PDXK: variants seen among roughly 807,000 people sequenced by gnomAD.
PDXK encodes the protein pyridoxal kinase, also known as epididymis secretory sperm binding protein Li 1a.
Under a neutral mutation model 43.2 loss-of-function variants are expected in PDXK, and 15 were observed. The observed-to-expected ratio is 0.35, with a 90% CI of 0.23 to 0.53. The LOEUF is 0.53. Ranked by LOEUF, PDXK falls within the 20% of genes least tolerant of loss-of-function variation. The probability of loss-of-function intolerance (pLI) is 0.92; values close to 1 mark genes in which losing one functional copy is unlikely to be tolerated. For missense variants in PDXK, 343 were observed against 417.0 expected, an observed-to-expected ratio of 0.82 and a Z score of 1.54; for synonymous variants, 172 against 165.4, an observed-to-expected ratio of 1.04 and a Z score of -0.31.
chr21:43,737,006 C>A lies in PDXK; in HGVS notation c.142+2883C>A. On this transcript the variant is annotated intron_variant, in intron 2 of 10. Coordinates refer to ENST00000291565, the MANE Select transcript of PDXK (RefSeq NM_003681.5). This position sits in a 1 kb window ranked among gnomAD's most constrained non-coding sequence, Gnocchi z 4.8. ...CTGGCGTGAAGTGGCGCAACCAGCTCACTGCAGCCTTGACCTCCTGGGCTG... is the reference window on the plus strand; with the variant it reads ...CTGGCGTGAAGTGGCGCAACCAGCTAACTGCAGCCTTGACCTCCTGGGCTG... 1 of 705,182 alleles carries A rather than the reference C, an allele frequency of 1.4e-6. No homozygotes were observed. The highest frequency in any genetic ancestry group is 1.5e-5 in the South Asian group (1 of 67,640). 43.7% of individuals were successfully genotyped at this position (705,182 alleles called of 1,614,324 possible). A position where few individuals can be genotyped will look rare whatever the true frequency, so the allele number is the denominator to read the frequency against.
rs2083430086 is a variant in PDXK at position 43,737,793 on chromosome 21, A to G, written c.142+3670A>G. The G allele has an allele frequency of 6.1e-6, 6 of 985,290 alleles. No individual in the cohort carries two copies. Among genetic ancestry groups the G allele is most frequent in the Non-Finnish European group, 6.0e-6 (5 of 829,928 alleles). 61.0% of individuals were successfully genotyped at this position (985,290 alleles called of 1,614,324 possible). A position where few individuals can be genotyped will look rare whatever the true frequency, so the allele number is the denominator to read the frequency against. ...CCGGCTGGGATCTGACAGGAGTGCC[A>G]GGCTCCTTGGGCCGCCCGAGGAACC... On this transcript the variant is annotated intron_variant, in intron 2 of 10. Transcript: ENST00000291565. This position sits in a 1 kb window ranked among gnomAD's most constrained non-coding sequence, Gnocchi z 4.8.
chr21:43,741,061 C>A (rs917669236), intron 2 of PDXK: 6 of 143,688 alleles, frequency 4.2e-5, no homozygotes, highest in African/African-American at 1.6e-4. Flanking sequence ...CCCCACGCTC[C>A]TCCTGTACCT....
At chr21:43,752,907 G>A (rs776000085) in intron 8 of PDXK, among the ~76,000 whole-genome samples, 3 of 152,094 alleles carry the variant, frequency 2.0e-5, no homozygotes, top group African/African-American at 4.8e-5. Flanking sequence ...GGGAGGACGC[G>A]TCCACCCGGC....
intron 1 of PDXK, among the ~76,000 whole-genome samples, chr21:43,733,866 A>G (rs1222243891): frequency 6.6e-6 from 1 of 152,256 alleles, no homozygotes; most frequent in Non-Finnish European, 1.5e-5. Context: ...AGCTCCAGAC[A>G]CACAAGGCCC....
At position 43,749,081 on chromosome 21, in the gene PDXK, G is replaced by A; in HGVS notation, c.464+1G>A. On this transcript the variant is annotated splice_donor_variant, in intron 6 of 10. Coordinates refer to ENST00000291565, the MANE Select transcript of PDXK (RefSeq NM_003681.5). LOFTEE classifies it high-confidence loss of function. ...TCACGCCCAACCAGTTTGAGGCCGA[G>A]TAAGTCATTTTATTTTATTTTACTT... 1 of 1,578,734 alleles carries A rather than the reference G, an allele frequency of 6.3e-7. No individual in the cohort carries two copies. The highest frequency in any genetic ancestry group is 8.7e-7 in the Non-Finnish European group (1 of 1,150,952).
intron 2 of PDXK, among the ~76,000 whole-genome samples, chr21:43,740,086 C>G (rs1181003300): frequency 6.6e-6 from 1 of 152,058 alleles, no homozygotes; most frequent in Admixed American, 6.6e-5. Flanking sequence ...AGTGCGTACA[C>G]TCTGGTGTCC....
In PDXK at chr21:43,739,428, CA is replaced by C. The variant is rs1351478648; in HGVS notation, c.143-2238del. Among the ~76,000 whole-genome samples, 3 of 152,184 alleles carry C rather than the reference CA, an allele frequency of 2.0e-5. No homozygotes were observed. In the East Asian group the frequency reaches 5.8e-4, roughly 29 times the overall value. On this transcript the variant is annotated intron_variant, in intron 2 of 10. Transcript: ENST00000291565. ...GGCTGGTCCCCAACACTAATAAAGACATACCTGAGACTGGGTCATTTGTAAA... is the reference window on the plus strand; with the variant it reads ...GGCTGGTCCCCAACACTAATAAAGACTACCTGAGACTGGGTCATTTGTAAA...
chr21:43,726,618 GGC>G (rs1295458004), intron 1 of PDXK, among the ~76,000 whole-genome samples: 1 of 152,112 alleles, frequency 6.6e-6, no homozygotes, highest in Non-Finnish European at 1.5e-5. Context: ...ATGTTGGCCA[GGC>G]TGGTCTTGAA....
chr21:43,750,447 C>G (rs369906922), intron 6 of PDXK, 53 bp from the exon 7 acceptor site: 1 of 1,505,292 alleles, frequency 6.6e-7, no homozygotes, highest in African/African-American at 1.4e-5. Context: ...ACACACAACC[C>G]GGAGAGGAGA....
In PDXK at chr21:43,752,031, G is replaced by A. The variant is rs776023578; in HGVS notation, c.511-487G>A. Among the ~76,000 whole-genome samples, 73 of 152,238 alleles carry A rather than the reference G, an allele frequency of 4.8e-4. 1 individual carries two copies. Among genetic ancestry groups the A allele is most frequent in the Non-Finnish European group, 1.5e-4 (10 of 68,042 alleles). On this transcript the variant is annotated intron_variant, in intron 7 of 10. Coordinates refer to ENST00000291565, the MANE Select transcript of PDXK (RefSeq NM_003681.5). The stretch of plus-strand genomic sequence containing the variant: ...TGACCTGGTATTGGGTCCTGGGACT[G>A]CAGAGTCAGCTGACCCTGGAGCAGG...
intron 5 of PDXK, chr21:43,746,974 C>T (rs958762526): frequency 1.3e-5 from 2 of 152,104 alleles, no homozygotes; most frequent in African/African-American, 4.8e-5. Flanking sequence ...CATCTCTAAT[C>T]AAAATACAAG....
chr21:43,737,869 G>A lies in PDXK; in HGVS notation c.142+3746G>A, dbSNP rs952631608. The A allele has an allele frequency of 3.0e-6, 3 of 985,518 alleles. No homozygotes were observed. The highest frequency in any genetic ancestry group is 3.6e-6 in the Non-Finnish European group (3 of 829,962). 61.0% of individuals were successfully genotyped at this position (985,518 alleles called of 1,614,324 possible). A position where few individuals can be genotyped will look rare whatever the true frequency, so the allele number is the denominator to read the frequency against. On this transcript the variant is annotated intron_variant, in intron 2 of 10. Transcript: ENST00000291565. The surrounding 1 kb of genome is among the most constrained non-coding windows in gnomAD (Gnocchi z 4.8). ...TGTAAATGGAATGAGTTGGACACAA[G>A]ATCCAAGCGCCCTCCCCTGTTGGAG...
At position 43,757,624 on chromosome 21, in the gene PDXK, A is replaced by G. The variant is rs879664070; in HGVS notation, c.*1561A>G. The G allele has an allele frequency of 1.2e-5, 1 of 82,274 alleles. No individual in the cohort carries two copies. The highest frequency in any genetic ancestry group is 1.5e-4 in the Admixed American group (1 of 6,818). 5.1% of individuals were successfully genotyped at this position (82,274 alleles called of 1,614,324 possible). On this transcript the variant is annotated 3_prime_UTR_variant, in exon 11 of 11. Coordinates refer to ENST00000291565, the MANE Select transcript of PDXK (RefSeq NM_003681.5). ...ATATGGAACCCCCACCCCCTCCCCC[A>G]CTCTCCCACTCTGTTCGTTCTGAAT...
intron 1 of PDXK, among the ~76,000 whole-genome samples, chr21:43,726,899 C>T (rs2083259836): frequency 6.6e-6 from 1 of 151,934 alleles, no homozygotes; most frequent in Admixed American, 6.6e-5. Context: ...ACATGGCATG[C>T]ATGTGTGCAT....
chr21:43,747,836 C>A (rs1601825565), intron 5 of PDXK, among the ~76,000 whole-genome samples: 1 of 152,216 alleles, frequency 6.6e-6, no homozygotes. Flanking sequence ...CTCCCCTTTC[C>A]GTGAGGTTAA....
rs370278967 is a variant in PDXK at position 43,757,988 on chromosome 21, T to A, written c.*1925T>A. 0.092 allele frequency: 10,669 copies of A among 116,396 alleles called. 426 individuals are homozygous for A. The highest frequency in any genetic ancestry group is 0.22 in the Middle Eastern group (52 of 236). The allele number at this position is 116,396 out of a possible 1,614,324, so 7.2% of individuals were successfully genotyped here. A position where few individuals can be genotyped will look rare whatever the true frequency, so the allele number is the denominator to read the frequency against. On this transcript the variant is annotated 3_prime_UTR_variant, in exon 11 of 11. Coordinates refer to ENST00000291565, the MANE Select transcript of PDXK (RefSeq NM_003681.5). ...CCACCAGGAAAGCTTTTCTTTTTCT[T>A]TTTTTTTTTTTTTTAAACACCAAGA...
At position 43,749,012 on chromosome 21, in the gene PDXK, C is replaced by G. The variant is rs1337440950; in HGVS notation, c.396C>G (p.Leu132=). 20 of 1,611,478 alleles carry G rather than the reference C, an allele frequency of 1.2e-5. No homozygotes were observed. The highest frequency in any genetic ancestry group is 1.6e-5 in the Non-Finnish European group (19 of 1,177,764). Reference sequence around the variant, plus strand: ...TTGGCCAGTACGTCCCGGAGGACCTCCTTCCCGTCTACAAAGAAAAAGTGG... The same window carrying G: ...TTGGCCAGTACGTCCCGGAGGACCTGCTTCCCGTCTACAAAGAAAAAGTGG... ...GEGSMYVPED[L]LPVYKEKVVP... is the part of the protein sequence containing the mutation. The change falls in exon 6 of 11, where the codon CTC becomes CTG. Residue 132 remains leucine, a synonymous_variant. Coordinates refer to ENST00000291565, the MANE Select transcript of PDXK (RefSeq NM_003681.5).
At chr21:43,719,601 CG>C (rs2083189558) in intron 1 of PDXK, 2 of 985,032 alleles carry the variant, frequency 2.0e-6, no homozygotes, top group African/African-American at 3.5e-5. Context: ...GCGGGTGGGA[CG>C]GGTCCGGCGT....
At chr21:43,741,579 T>A (rs150441183) in intron 2 of PDXK, 88 bp from the exon 3 acceptor site, 2 of 1,568,948 alleles carry the variant, frequency 1.3e-6, no homozygotes, top group African/African-American at 2.7e-5. Context: ...CCAGGCAGCC[T>A]CAGGGAGAGT....
Sources: gnomAD v4.1 joint callset for allele counts (sites outside exome capture counted in the v4.1 genomes callset) on GRCh38, gnomAD v4.1.1 for gene constraint, Gnocchi (gnomAD v3.1) non-coding constraint, MANE v1.5 for transcripts, NCBI Gene and HGNC (gene_info 2026-07-23, HGNC 2026-07-21) for gene names.